The following PPP1R3E variants were observed in gnomAD, a reference collection of about 807,000 sequenced individuals.
PPP1R3E encodes the protein protein phosphatase 1, regulatory (inhibitor) subunit 3E.
In PPP1R3E, 20 loss-of-function variants were observed where a neutral mutation model predicts 18.5. The observed-to-expected ratio is 1.08, with a 90% CI of 0.76 to 1.58. The LOEUF (loss-of-function observed/expected upper bound fraction) is 1.58. Ranked by LOEUF, PPP1R3E falls within the 40% of genes most tolerant of loss-of-function variation. The pLI is 0.00. For missense variants in PPP1R3E, 498 were observed against 460.2 expected (o/e 1.08, Z -0.75); for synonymous variants, 208 against 208.1 (o/e 1.00, Z 0.00).
chr14:23,296,878 C>G lies in PPP1R3E; in HGVS notation c.*2426G>C, dbSNP rs771191492. ...GATCCCAGCAGGCTCCAGAAAAACACGGCAGTTAGAAACAAGGGAATGTGG... is the reference window on the plus strand; with the variant it reads ...GATCCCAGCAGGCTCCAGAAAAACAGGGCAGTTAGAAACAAGGGAATGTGG... On this transcript the variant is annotated 3_prime_UTR_variant, in exon 5 of 5. Transcript: ENST00000452015. The G allele has an allele frequency of 6.6e-6, 1 of 152,196 alleles. No homozygotes were observed. The highest frequency in any genetic ancestry group is 1.9e-4 in the East Asian group (1 of 5,202). 9.4% of individuals were successfully genotyped at this position (152,196 alleles called of 1,614,324 possible).
At position 23,301,414 on chromosome 14, in the gene PPP1R3E, C is replaced by T. The variant is rs1887030710; in HGVS notation, c.*22G>A. The T allele has an allele frequency of 2.9e-6, 4 of 1,364,780 alleles. No individual in the cohort carries two copies. Among genetic ancestry groups the T allele is most frequent in the African/African-American group, 3.0e-5 (2 of 66,158 alleles). 84.5% of individuals were successfully genotyped at this position (1,364,780 alleles called of 1,614,324 possible). A position where few individuals can be genotyped will look rare whatever the true frequency, so the allele number is the denominator to read the frequency against. On this transcript the variant is annotated 3_prime_UTR_variant, in exon 2 of 5. Coordinates refer to ENST00000452015, the MANE Select transcript of PPP1R3E (RefSeq NM_001276318.2). Reference sequence around the variant, plus strand: ...CCCGGGTGCCTTTGGTGTTTTCCGCCGTCGGCCGCAGGCGCCTCGTCTCAG... The same window carrying T: ...CCCGGGTGCCTTTGGTGTTTTCCGCTGTCGGCCGCAGGCGCCTCGTCTCAG...
Position 23,302,277 on chromosome 14 carries a change from GACAGCCAGCTCCA to G in PPP1R3E, c.287_299del (p.Leu96SerfsTer59). 6 of 1,522,172 alleles carry G rather than the reference GACAGCCAGCTCCA, an allele frequency of 3.9e-6. No individual in the cohort carries two copies. The highest frequency in any genetic ancestry group is 5.3e-6 in the Non-Finnish European group (6 of 1,142,302). 94.3% of individuals were successfully genotyped at this position (1,522,172 alleles called of 1,614,324 possible). A position where few individuals can be genotyped will look rare whatever the true frequency, so the allele number is the denominator to read the frequency against. On this transcript the variant is annotated frameshift_variant, in exon 1 of 5. Transcript: ENST00000452015. LOFTEE classifies it high-confidence loss of function. ...GCTCACCGGGACGGAAGCGGCGCAC[GACAGCCAGCTCCA>G]ACCCCAGTGCGTCGGCGAAACGCAC...
rs1448267598 is a variant in PPP1R3E, at chr14:23,297,207, C to G, written c.*2097G>C. 1 of 152,218 alleles carries G rather than the reference C, an allele frequency of 6.6e-6. No homozygotes were observed. The highest frequency in any genetic ancestry group is 1.5e-5 in the Non-Finnish European group (1 of 68,050). The allele number at this position is 152,218 out of a possible 1,614,324, so 9.4% of individuals were successfully genotyped here. Reference sequence around the variant, plus strand: ...CATCAGAGGAGTTTCCACTACAATGCCTAATGCGTAACACATTAATAGGGT... The same window carrying G: ...CATCAGAGGAGTTTCCACTACAATGGCTAATGCGTAACACATTAATAGGGT... On this transcript the variant is annotated 3_prime_UTR_variant, in exon 5 of 5. Transcript: ENST00000452015.
Position 23,297,592 on chromosome 14 carries a change from C to T in PPP1R3E, c.*1712G>A, listed in dbSNP as rs1886912975. The T allele has an allele frequency of 6.6e-6, 1 of 152,214 alleles. No homozygotes were observed. The highest frequency in any genetic ancestry group is 2.4e-5 in the African/African-American group (1 of 41,430). The allele number at this position is 152,214 out of a possible 1,614,324, so 9.4% of individuals were successfully genotyped here. ...CGCGAAAGCACCAGGCACTCAGAAG[C>T]CACTCAAGAAATATTAGTTTCCTCC... is the stretch of plus-strand genomic sequence containing the variant. On this transcript the variant is annotated 3_prime_UTR_variant, in exon 5 of 5. Coordinates refer to ENST00000452015, the MANE Select transcript of PPP1R3E (RefSeq NM_001276318.2).
intron 4 of PPP1R3E, among the ~76,000 whole-genome samples, chr14:23,299,126 C>T (rs972913039): frequency 3.9e-5 from 6 of 152,182 alleles, no homozygotes; most frequent in East Asian, 3.9e-4. Context: ...TCACCATGCC[C>T]GGCTAATTTT....
At chr14:23,301,907 G>A in intron 1 of PPP1R3E, 49 bp from the exon 2 acceptor site, 1 of 1,396,626 alleles carries the variant, frequency 7.2e-7, no homozygotes, top group Non-Finnish European at 9.2e-7. Context: ...GGAGAGAGGG[G>A]AGAGACAGGG....
At position 23,298,095 on chromosome 14, in the gene PPP1R3E, A is replaced by G. The variant is rs142466691; in HGVS notation, c.*1209T>C. ...GAGAATTCCAATGTATGGAAAGGCT[A>G]GAGTGTAAGTGGGAAGGTGAGGGGG... On this transcript the variant is annotated 3_prime_UTR_variant, in exon 5 of 5. Coordinates refer to ENST00000452015, the MANE Select transcript of PPP1R3E (RefSeq NM_001276318.2). 179 of 152,360 alleles carry G rather than the reference A, an allele frequency of 1.2e-3. 1 individual carries two copies. The highest frequency in any genetic ancestry group is 4.1e-3 in the African/African-American group (170 of 41,526). 9.4% of individuals were successfully genotyped at this position (152,360 alleles called of 1,614,324 possible). A position where few individuals can be genotyped will look rare whatever the true frequency, so the allele number is the denominator to read the frequency against.
rs1438686068 is a variant in PPP1R3E, at chr14:23,301,389, C to A, written c.*47G>T. The A allele has an allele frequency of 4.8e-5, 63 of 1,322,264 alleles. No individual in the cohort carries two copies. Among genetic ancestry groups the A allele is most frequent in the Non-Finnish European group, 5.9e-5 (61 of 1,034,538 alleles). 81.9% of individuals were successfully genotyped at this position (1,322,264 alleles called of 1,614,324 possible). A position where few individuals can be genotyped will look rare whatever the true frequency, so the allele number is the denominator to read the frequency against. On this transcript the variant is annotated 3_prime_UTR_variant, in exon 2 of 5. Coordinates refer to ENST00000452015, the MANE Select transcript of PPP1R3E (RefSeq NM_001276318.2). ...CCCCGCCACATCGGGTCGCCCCGCC[C>A]CCGGGTGCCTTTGGTGTTTTCCGCC...
rs1431042818 is a variant in PPP1R3E at position 23,302,383 on chromosome 14, C to A, written c.194G>T (p.Arg65Leu). 9.4e-6 allele frequency: 14 copies of A among 1,489,820 alleles called. No individual in the cohort carries two copies. Among genetic ancestry groups the A allele is most frequent in the African/African-American group, 5.9e-5 (4 of 68,184 alleles). The allele number at this position is 1,489,820 out of a possible 1,614,324, so 92.3% of individuals were successfully genotyped here. A position where few individuals can be genotyped will look rare whatever the true frequency, so the allele number is the denominator to read the frequency against. Residue 65 changes from arginine to leucine, a missense_variant, in exon 1 of 5, where the codon CGA (arginine) becomes CTA (leucine). Physicochemically the swap from Arg to Leu is moderately radical, Grantham distance 102 (BLOSUM62 -2). Coordinates refer to ENST00000452015, the MANE Select transcript of PPP1R3E (RefSeq NM_001276318.2). ...CCCGCCGCCTCCGGCTGGTGCAGAT[C>A]GGGCCCGGCGGCCCCGACTCGGTGC... ...AHAPSRGRRA[R>L]SAPAGGGGAR...
rs1324600301 is a variant in PPP1R3E, at chr14:23,301,390, CCG to C, written c.*44_*45del. ...CCCGCCACATCGGGTCGCCCCGCCCCCGGGTGCCTTTGGTGTTTTCCGCCGTC... is the reference window on the plus strand; with the variant it reads ...CCCGCCACATCGGGTCGCCCCGCCCCGGTGCCTTTGGTGTTTTCCGCCGTC... On this transcript the variant is annotated 3_prime_UTR_variant, in exon 2 of 5. Coordinates refer to ENST00000452015, the MANE Select transcript of PPP1R3E (RefSeq NM_001276318.2). The C allele has an allele frequency of 3.0e-6, 4 of 1,322,534 alleles. No individual in the cohort carries two copies. Among genetic ancestry groups the C allele is most frequent in the Non-Finnish European group, 2.9e-6 (3 of 1,034,618 alleles). 81.9% of individuals were successfully genotyped at this position (1,322,534 alleles called of 1,614,324 possible).
At position 23,299,473 on chromosome 14, in the gene PPP1R3E, A is replaced by G. The variant is rs1442069889; in HGVS notation, c.*314T>C. Reference sequence around the variant, plus strand: ...TCCTTCTCTCTTCTAGAAGACTGTCAAGGAGCCCGAGTGAGGGAAGCAGAC... The same window carrying G: ...TCCTTCTCTCTTCTAGAAGACTGTCGAGGAGCCCGAGTGAGGGAAGCAGAC... On this transcript the variant is annotated 3_prime_UTR_variant, in exon 4 of 5. Coordinates refer to ENST00000452015, the MANE Select transcript of PPP1R3E (RefSeq NM_001276318.2). The G allele has an allele frequency of 6.5e-6, 1 of 153,932 alleles. No homozygotes were observed. The highest frequency in any genetic ancestry group is 1.5e-5 in the Non-Finnish European group (1 of 68,182). The allele number at this position is 153,932 out of a possible 1,614,324, so 9.5% of individuals were successfully genotyped here.
chr14:23,299,853 C>T (rs1886977341), intron 3 of PPP1R3E, among the ~76,000 whole-genome samples: 1 of 149,728 alleles, frequency 6.7e-6, no homozygotes, highest in Non-Finnish European at 1.5e-5. Context: ...ACTGCACTTG[C>T]TCTGGTTATG....
chr14:23,296,365 CTTTT>C lies in PPP1R3E; in HGVS notation c.*2935_*2938del, dbSNP rs1354371183. ...GCTTGTGTAGAGACCTCTTTCTTTT[CTTTT>C]TTTTTTTGAGGGTCTCACTGTCACC... On this transcript the variant is annotated 3_prime_UTR_variant, in exon 5 of 5. Transcript: ENST00000452015. The C allele has an allele frequency of 2.0e-5, 3 of 146,344 alleles. No homozygotes were observed. The highest frequency in any genetic ancestry group is 7.5e-5 in the African/African-American group (3 of 40,024). The allele number at this position is 146,344 out of a possible 1,614,324, so 9.1% of individuals were successfully genotyped here.
rs1886891394 is a variant in PPP1R3E, at chr14:23,296,749, T to A, written c.*2555A>T. 1 of 152,158 alleles carries A rather than the reference T, an allele frequency of 6.6e-6. No homozygotes were observed. The highest frequency in any genetic ancestry group is 2.1e-4 in the South Asian group (1 of 4,814). The allele number at this position is 152,158 out of a possible 1,614,324, so 9.4% of individuals were successfully genotyped here. ...AATTCTATGACCCTGCTAGAGTCAT[T>A]TCTCACCTCTGGACCTGTGTTCTCA... On this transcript the variant is annotated 3_prime_UTR_variant, in exon 5 of 5. Transcript: ENST00000452015.
chr14:23,302,568 A>T lies in PPP1R3E; in HGVS notation c.9T>A (p.Arg3=). Residue 3 remains arginine (R), a synonymous_variant, in exon 1 of 5, where the codon CGT becomes CGA. Transcript: ENST00000452015. The part of the protein sequence containing the change: MS[R]ERPPGTDIPR... ...GAATGTCGGTGCCCGGGGGCCGCTC[A>T]CGGGACATGGCAGCCCCTTCCCCGG... The T allele has an allele frequency of 6.8e-7, 1 of 1,472,692 alleles. No individual in the cohort carries two copies. The highest frequency in any genetic ancestry group is 2.8e-5 in the East Asian group (1 of 35,522). 91.2% of individuals were successfully genotyped at this position (1,472,692 alleles called of 1,614,324 possible).
Position 23,295,842 on chromosome 14 carries a change from G to C in PPP1R3E, c.*3462C>G, listed in dbSNP as rs1165208919. 1 of 153,924 alleles carries C rather than the reference G, an allele frequency of 6.5e-6. No homozygotes were observed. The highest frequency in any genetic ancestry group is 1.4e-5 in the Non-Finnish European group (1 of 69,054). The allele number at this position is 153,924 out of a possible 1,614,324, so 9.5% of individuals were successfully genotyped here. ...AAGGTGACCAAGAAATTGAGTCAAG[G>C]AGGGAATCTTGCCTCTGAGTCTCTT... is the stretch of plus-strand genomic sequence containing the variant. On this transcript the variant is annotated 3_prime_UTR_variant, in exon 5 of 5. Coordinates refer to ENST00000452015, the MANE Select transcript of PPP1R3E (RefSeq NM_001276318.2).
Position 23,301,636 on chromosome 14 carries a change from G to C in PPP1R3E, c.640C>G (p.Pro214Ala). Residue 214 changes from proline (P) to alanine (A), a missense_variant, in exon 2 of 5, where the codon CCC becomes GCC. Coordinates refer to ENST00000452015, the MANE Select transcript of PPP1R3E (RefSeq NM_001276318.2). ...GCGAAGCGGTCGGCGCGCGGCGGGGGCGGGGCCGGACCGGCGTAGGCGGCT... is the reference window on the plus strand; with the variant it reads ...GCGAAGCGGTCGGCGCGCGGCGGGGCCGGGGCCGGACCGGCGTAGGCGGCT... Reference protein sequence around the residue: ...APAAYAGPAPPPPRADRFAFR... With the variant: ...APAAYAGPAPAPPRADRFAFR... 6 of 1,367,556 alleles carry C rather than the reference G, an allele frequency of 4.4e-6. No homozygotes were observed. Among genetic ancestry groups the C allele is most frequent in the Non-Finnish European group, 5.6e-6 (6 of 1,063,446 alleles). 84.7% of individuals were successfully genotyped at this position (1,367,556 alleles called of 1,614,324 possible).
At chr14:23,301,006 A>C (rs1594974020) in intron 2 of PPP1R3E, 142 bp from the exon 3 acceptor site, 1 of 163,546 alleles carries the variant, frequency 6.1e-6, no homozygotes, top group Non-Finnish European at 1.3e-5. Context: ...TTCACATCAT[A>C]CCTCCTCCAT....
intron 3 of PPP1R3E, among the ~76,000 whole-genome samples, chr14:23,299,927 GTTT>G (rs3079707): frequency 1.7e-4 from 17 of 100,772 alleles, no homozygotes; most frequent in East Asian, 7.4e-4. Context: ...TTTTGTTTTT[GTTT>G]TTTTTTTTTT....
Sources: allele counts gnomAD v4.1 joint callset (sites outside exome capture counted in the v4.1 genomes callset), GRCh38; gene constraint gnomAD v4.1.1; transcripts MANE v1.5; gene names NCBI Gene and HGNC (gene_info 2026-07-23, HGNC 2026-07-21).